The following CNTNAP2 variants were observed in gnomAD, a reference collection of about 807,000 sequenced individuals.
The protein encoded by CNTNAP2 is contactin associated protein 2, also known as contactin-associated protein-like 2.
Under a neutral mutation model 155.2 loss-of-function variants are expected in CNTNAP2, and 98 were observed. The ratio of observed to expected loss-of-function variants is 0.63; its 90% CI spans 0.54 to 0.75. The LOEUF (loss-of-function observed/expected upper bound fraction) is 0.75, where lower values mean the gene tolerates loss of function less well. Ranked by LOEUF, CNTNAP2 falls within the 30% of genes least tolerant of loss-of-function variation. The pLI is 0.00. For synonymous variants in CNTNAP2, 651 were observed against 631.2 expected, an observed-to-expected ratio of 1.03 and a Z score of -0.47; for missense variants, 1,727 against 1,688.1, an observed-to-expected ratio of 1.02 and a Z score of -0.40.
intron 13 of CNTNAP2, among the ~76,000 whole-genome samples, chr7:147,836,357 A>T (rs1798634903): frequency 6.6e-6 from 1 of 151,862 alleles, no homozygotes; most frequent in South Asian, 2.1e-4. Context: ...TTCCCCCAGT[A>T]TTCCAGCCAC....
Position 147,456,052 on chromosome 7 carries a change from A to G in CNTNAP2, c.1671-29883A>G, listed in dbSNP as rs1425491229. Among the ~76,000 whole-genome samples, 2 of 152,296 alleles carry G rather than the reference A, an allele frequency of 1.3e-5. 1 individual carries two copies. The highest frequency in any genetic ancestry group is 4.8e-5 in the African/African-American group (2 of 41,572). ...GACTCCTTTGTAAACATGAGAGTGTACTTGTATGTATGTATATGACTATAT... is the reference window on the plus strand; with the variant it reads ...GACTCCTTTGTAAACATGAGAGTGTGCTTGTATGTATGTATATGACTATAT... On this transcript the variant is annotated intron_variant, in intron 10 of 23. Coordinates refer to ENST00000361727, the MANE Select transcript of CNTNAP2 (RefSeq NM_014141.6).
At chr7:147,297,523 C>T (rs1036725868) in intron 8 of CNTNAP2, among the ~76,000 whole-genome samples, 1 of 152,094 alleles carries the variant, frequency 6.6e-6, no homozygotes, top group Non-Finnish European at 1.5e-5. Flanking sequence ...CTAGGAAAGA[C>T]CACCTCTCTC....
At chr7:147,379,842 G>A (rs887127282) in intron 9 of CNTNAP2, among the ~76,000 whole-genome samples, 1 of 151,966 alleles carries the variant, frequency 6.6e-6, no homozygotes. Context: ...CCAAAATTCT[G>A]CATTGTAAAG....
intron 21 of CNTNAP2, among the ~76,000 whole-genome samples, chr7:148,308,004 C>T (rs1797519840): frequency 6.6e-6 from 1 of 152,126 alleles, no homozygotes; most frequent in Non-Finnish European, 1.5e-5. Context: ...ACTCATTTCA[C>T]AATATTCTTG....
intron 9 of CNTNAP2, among the ~76,000 whole-genome samples, chr7:147,355,053 T>C (rs1392976775): frequency 6.6e-6 from 1 of 152,038 alleles, no homozygotes; most frequent in Non-Finnish European, 1.5e-5. Context: ...GATGGGGTTT[T>C]CTAATATAAA....
intron 3 of CNTNAP2, among the ~76,000 whole-genome samples, chr7:146,914,461 T>A (rs1327651832): frequency 3.3e-5 from 5 of 151,514 alleles, no homozygotes; most frequent in African/African-American, 1.2e-4. Context: ...ACATCTATTA[T>A]TTTTTTTTAA....
At position 146,642,959 on chromosome 7, in the gene CNTNAP2, T is replaced by C. The variant is rs1160715013; in HGVS notation, c.98-131312T>C. On this transcript the variant is annotated intron_variant, in intron 1 of 23. Transcript: ENST00000361727. ...TTTTTTGGCTGCATAAATGTCTTCTTTTGAGAAGTGTCTGTTCATGTCCTT... is the reference window on the plus strand; with the variant it reads ...TTTTTTGGCTGCATAAATGTCTTCTCTTGAGAAGTGTCTGTTCATGTCCTT... Among the ~76,000 whole-genome samples the C allele has an allele frequency of 1.3e-4, 19 of 150,650 alleles. No homozygotes were observed. The East Asian group carries it at 2.4e-3, about 19-fold the overall frequency.
rs139276183 is a variant in CNTNAP2 at position 146,879,958 on chromosome 7, G to C, written c.402+40054G>C. Among the ~76,000 whole-genome samples the C allele has an allele frequency of 6.2e-3, 936 of 152,020 alleles. 8 individuals are homozygous for C. Among genetic ancestry groups the C allele is most frequent in the African/African-American group, 0.022 (901 of 41,466 alleles). The stretch of plus-strand genomic sequence containing the variant: ...TGGTGGCAGACAAGACAGAACAAGA[G>C]CCAAGTGAAAGGGGTTTCCCTTTTA... On this transcript the variant is annotated intron_variant, in intron 3 of 23. Transcript: ENST00000361727.
At chr7:148,283,784 G>GGCATCTGTCTTTAGGC (rs1797031621) in intron 21 of CNTNAP2, among the ~76,000 whole-genome samples, 5 of 152,214 alleles carry the variant, frequency 3.3e-5, no homozygotes, top group African/African-American at 1.2e-4. Flanking sequence ...ACATCTGTTA[G>GGCATCTGTCTTTAGGC]ATGAGCTGTC....
intron 13 of CNTNAP2, among the ~76,000 whole-genome samples, chr7:147,677,185 T>G (rs925834025): frequency 1.3e-5 from 2 of 151,930 alleles, no homozygotes; most frequent in African/African-American, 4.8e-5. Context: ...TGTTCTCTTT[T>G]GTCTTTTTGA....
intron 16 of CNTNAP2, among the ~76,000 whole-genome samples, chr7:148,129,908 TG>T (rs1804796584): frequency 6.6e-6 from 1 of 152,272 alleles, no homozygotes; most frequent in African/African-American, 2.4e-5. Flanking sequence ...CTAAGGATGA[TG>T]GGGGGAGGGA....
chr7:147,557,293 G>A (rs1254500027), intron 11 of CNTNAP2, among the ~76,000 whole-genome samples: 1 of 152,026 alleles, frequency 6.6e-6, no homozygotes, highest in East Asian at 1.9e-4. Context: ...TTTAGGACTT[G>A]TCACTGTCTA....
At chr7:146,473,839 G>C in intron 1 of CNTNAP2, among the ~76,000 whole-genome samples, 1 of 151,952 alleles carries the variant, frequency 6.6e-6, no homozygotes, top group Non-Finnish European at 1.5e-5. Context: ...GTATTGTTTT[G>C]TTCTTCCAAA....
chr7:146,393,363 C>T (rs1249081271), intron 1 of CNTNAP2, among the ~76,000 whole-genome samples: 1 of 152,014 alleles, frequency 6.6e-6, no homozygotes, highest in East Asian at 1.9e-4. Flanking sequence ...TAAATAAATC[C>T]ACCTGGCAGT....
intron 9 of CNTNAP2, among the ~76,000 whole-genome samples, chr7:147,358,237 A>G (rs1445367014): frequency 6.6e-6 from 1 of 152,150 alleles, no homozygotes; most frequent in Non-Finnish European, 1.5e-5. Flanking sequence ...AACTTTGGAC[A>G]TATTTGAAAA....
At chr7:147,666,091 G>A (rs1795689340) in intron 13 of CNTNAP2, among the ~76,000 whole-genome samples, 1 of 152,044 alleles carries the variant, frequency 6.6e-6, no homozygotes, top group Non-Finnish European at 1.5e-5. Context: ...TTTAGCTGTA[G>A]GACGAAAGCA....
chr7:146,692,719 T>G (rs964403075), intron 1 of CNTNAP2, among the ~76,000 whole-genome samples: 3 of 152,174 alleles, frequency 2.0e-5, no homozygotes, highest in Non-Finnish European at 1.5e-5. Flanking sequence ...GGGATCATAA[T>G]GTTTTAATTG....
chr7:147,507,735 A>G (rs914055116), intron 11 of CNTNAP2, among the ~76,000 whole-genome samples: 4 of 151,636 alleles, frequency 2.6e-5, no homozygotes, highest in Admixed American at 2.6e-4. Flanking sequence ...TGTATTTTTT[A>G]GTAGAGACGG....
chr7:148,231,422 G>C (rs1241263158), intron 20 of CNTNAP2, among the ~76,000 whole-genome samples: 2 of 152,154 alleles, frequency 1.3e-5, no homozygotes, highest in African/African-American at 4.8e-5. Context: ...AAAATTCCTA[G>C]GGTAGGTCAT....
Sources: gnomAD v4.1 joint callset for allele counts (sites outside exome capture counted in the v4.1 genomes callset) on GRCh38, gnomAD v4.1.1 for gene constraint, MANE v1.5 for transcripts, NCBI Gene and HGNC (gene_info 2026-07-23, HGNC 2026-07-21) for gene names.